The following RBM39 variants were observed in gnomAD, a reference collection of about 807,000 sequenced individuals.
RBM39 encodes the protein RNA-binding protein 39.
Under a neutral mutation model 79.6 loss-of-function variants are expected in RBM39, and 12 were observed. That is an observed-to-expected ratio of 0.15 (90% CI 0.10 to 0.24). The LOEUF (loss-of-function observed/expected upper bound fraction) is 0.24, where lower values mean the gene tolerates loss of function less well. Among genes scored for constraint, RBM39 ranks in the 10% least tolerant of loss-of-function variants. The pLI is 1.00. For synonymous variants in RBM39, 185 were observed against 208.4 expected, an observed-to-expected ratio of 0.89 and a Z score of 0.97; for missense variants, 243 against 653.4, an observed-to-expected ratio of 0.37 and a Z score of 6.85.
chr20:35,729,003 G>T (rs1385412763), intron 6 of RBM39, among the ~76,000 whole-genome samples: 1 of 152,104 alleles, frequency 6.6e-6, no homozygotes, highest in Non-Finnish European at 1.5e-5. Flanking sequence ...TTGAACCCAG[G>T]AGGCGGAGGT....
chr20:35,736,897 C>T (rs867871632), intron 3 of RBM39, among the ~76,000 whole-genome samples: 1 of 151,650 alleles, frequency 6.6e-6, no homozygotes, highest in Non-Finnish European at 1.5e-5. Context: ...GTGATCCACC[C>T]GCCTGAGCCT....
In RBM39 at chr20:35,724,588, G is replaced by T. The variant is rs1324528362; in HGVS notation, c.669C>A (p.Ile223=). ...AAATTACCTGTGATGCCTGTACTATGATTGGCACGCCTAAAACTCGTTGGC... is the reference window on the plus strand; with the variant it reads ...AAATTACCTGTGATGCCTGTACTATTATTGGCACGCCTAAAACTCGTTGGC... The part of the protein sequence containing the change: ...LTGQRVLGVP[I]IVQASQAEKN... The change falls in exon 8 of 17, where the codon ATC becomes ATA. Residue 223 remains isoleucine (I), a synonymous_variant. Coordinates refer to ENST00000253363, the MANE Select transcript of RBM39 (RefSeq NM_184234.3). 3 of 1,613,874 alleles carry T rather than the reference G, an allele frequency of 1.9e-6. No individual in the cohort carries two copies. The highest frequency in any genetic ancestry group is 2.5e-6 in the Non-Finnish European group (3 of 1,180,006).
intron 15 of RBM39, 76 bp from the exon 16 acceptor site, chr20:35,704,822 C>A: frequency 7.6e-7 from 1 of 1,312,630 alleles, no homozygotes; most frequent in Non-Finnish European, 1.1e-6. Flanking sequence ...ATTCAAGTTG[C>A]CTGTAGAAAC....
At chr20:35,734,875 T>C (rs1353797175) in intron 3 of RBM39, 12 of 1,518,878 alleles carry the variant, frequency 7.9e-6, no homozygotes, top group African/African-American at 2.8e-5. Flanking sequence ...TCCACACTAA[T>C]AGTCAAATCC....
At chr20:35,705,158 C>T in intron 15 of RBM39, 67 bp downstream of exon 15, 1 of 918,542 alleles carries the variant, frequency 1.1e-6, no homozygotes, top group Non-Finnish European at 1.7e-6. Context: ...ACATGCACCA[C>T]ATAATGTGCG....
intron 3 of RBM39, chr20:35,734,509 G>C (rs551799259): frequency 4.7e-6 from 1 of 212,802 alleles, no homozygotes; most frequent in Admixed American, 5.3e-5. Context: ...AAGGTAAAAA[G>C]TAACTCCATC....
At chr20:35,729,663 A>T in intron 4 of RBM39, 136 bp from the exon 5 acceptor site, 1 of 745,992 alleles carries the variant, frequency 1.3e-6, no homozygotes, top group South Asian at 1.9e-5. Context: ...AAACAAAAAT[A>T]CTTGTCTCTT....
chr20:35,712,986 A>G, intron 12 of RBM39, 33 bp downstream of exon 12: 1 of 1,570,246 alleles, frequency 6.4e-7, no homozygotes, highest in Non-Finnish European at 8.6e-7. Context: ...AGATGAAAAA[A>G]CGATTTAAAA....
chr20:35,739,237 T>C, intron 2 of RBM39: 1 of 575,708 alleles, frequency 1.7e-6, no homozygotes, highest in Admixed American at 3.2e-5. Flanking sequence ...TAAAAAAATT[T>C]TCCATATTAA....
chr20:35,702,526 T>C lies in RBM39; in HGVS notation c.*1955A>G, dbSNP rs1246160026. ...CTAGAAAGCAATGACACAACAAATT[T>C]GTTAGGAAGACTTGGTTCAAGGGGA... On this transcript the variant is annotated 3_prime_UTR_variant, in exon 17 of 17. Transcript: ENST00000253363. 1 of 152,218 alleles carries C rather than the reference T, an allele frequency of 6.6e-6. No homozygotes were observed. The highest frequency in any genetic ancestry group is 1.9e-4 in the East Asian group (1 of 5,204). The allele number at this position is 152,218 out of a possible 1,614,324, so 9.4% of individuals were successfully genotyped here.
chr20:35,741,007 C>T, intron 1 of RBM39, 120 bp from the exon 2 acceptor site: 1 of 324,032 alleles, frequency 3.1e-6, no homozygotes, highest in East Asian at 7.9e-5. Context: ...AAGAACAAGA[C>T]GATTCCGTGA....
Position 35,741,943 on chromosome 20 carries a change from G to T in RBM39, c.-16C>A. 1 of 208,066 alleles carries T rather than the reference G, an allele frequency of 4.8e-6. No homozygotes were observed. Among genetic ancestry groups the T allele is most frequent in the Non-Finnish European group, 9.9e-6 (1 of 101,274 alleles). The allele number at this position is 208,066 out of a possible 1,614,324, so 12.9% of individuals were successfully genotyped here. On this transcript the variant is annotated splice_region_variant and 5_prime_UTR_variant, in exon 1 of 17. Transcript: ENST00000253363. Reference sequence around the variant, plus strand: ...CGCGGGTCCGCAACGCCCCGTACCTGTTCCGGCCTTCGGGCGCCTGTGGTG... The same window carrying T: ...CGCGGGTCCGCAACGCCCCGTACCTTTTCCGGCCTTCGGGCGCCTGTGGTG...
intron 6 of RBM39, among the ~76,000 whole-genome samples, chr20:35,725,998 A>T (rs779668552): frequency 1.3e-5 from 2 of 152,094 alleles, no homozygotes; most frequent in African/African-American, 2.4e-5. Context: ...TCTATTGACA[A>T]AAAATGCGCA....
intron 9 of RBM39, 30 bp downstream of exon 9, chr20:35,721,710 C>T (rs776711089): frequency 7.5e-6 from 12 of 1,609,274 alleles, no homozygotes; most frequent in South Asian, 5.5e-5. Flanking sequence ...CAACAACCTA[C>T]TGAAGATTCA....
At position 35,705,337 on chromosome 20, in the gene RBM39, G is replaced by T; in HGVS notation, c.1308-7C>A. 1 of 1,516,858 alleles carries T rather than the reference G, an allele frequency of 6.6e-7. No individual in the cohort carries two copies. The highest frequency in any genetic ancestry group is 9.0e-7 in the Non-Finnish European group (1 of 1,107,386). 94.0% of individuals were successfully genotyped at this position (1,516,858 alleles called of 1,614,324 possible). A position where few individuals can be genotyped will look rare whatever the true frequency, so the allele number is the denominator to read the frequency against. Reference sequence around the variant, plus strand: ...CCATCCAACTTCTTCTTCTCTGTAAGAAAGTATTAAGGACTCTTAAATACT... The same window carrying T: ...CCATCCAACTTCTTCTTCTCTGTAATAAAGTATTAAGGACTCTTAAATACT... On this transcript the variant is annotated splice_polypyrimidine_tract_variant and splice_region_variant and intron_variant, in intron 14 of 16. Transcript: ENST00000253363.
intron 3 of RBM39, among the ~76,000 whole-genome samples, chr20:35,734,030 C>CCA: frequency 1.3e-5 from 2 of 152,194 alleles, no homozygotes; most frequent in Non-Finnish European, 2.9e-5. Context: ...AATGATTAAA[C>CCA]ATTTTGACAA....
intron 3 of RBM39, among the ~76,000 whole-genome samples, chr20:35,737,501 T>C (rs776852978): frequency 2.7e-4 from 39 of 145,040 alleles, no homozygotes; most frequent in Admixed American, 3.4e-4. Context: ...CAGAGGTTGC[T>C]GTGAGCTGAG....
At chr20:35,714,480 T>C (rs2425085) in intron 10 of RBM39, 91 bp from the exon 11 acceptor site, 55,524 of 1,410,334 alleles carry the variant, frequency 0.039, 2,082 homozygotes, top group African/African-American at 0.19. Flanking sequence ...TTTTAGCATA[T>C]TCAATAATTA....
At chr20:35,726,802 G>A (rs573302567) in intron 6 of RBM39, among the ~76,000 whole-genome samples, 9 of 152,046 alleles carry the variant, frequency 5.9e-5, no homozygotes, top group East Asian at 1.9e-4. Context: ...TGGGGTGGTC[G>A]CTCCACCTGT....
Sources: gnomAD v4.1 joint callset for allele counts (sites outside exome capture counted in the v4.1 genomes callset) on GRCh38, gnomAD v4.1.1 for gene constraint, MANE v1.5 for transcripts, NCBI Gene and HGNC (gene_info 2026-07-23, HGNC 2026-07-21) for gene names.